The following ARHGEF10 variants were observed in gnomAD, a reference collection of about 807,000 sequenced individuals.
ARHGEF10 encodes Rho guanine nucleotide exchange factor 10, also known as Rho guanine nucleotide exchange factor (GEF) 10.
A neutral mutation model predicts 147.4 loss-of-function variants in ARHGEF10; 140 were observed. The observed-to-expected ratio is 0.95, with a 90% CI of 0.83 to 1.09. ARHGEF10 has a LOEUF of 1.09. Ranked by LOEUF, ARHGEF10 falls within the 50% of genes least tolerant of loss-of-function variation. ARHGEF10 has a pLI of 0.00. For synonymous variants in ARHGEF10, 902 were observed against 695.8 expected, an observed-to-expected ratio of 1.30 and a Z score of -4.67; for missense variants, 2,222 against 1,752.7, an observed-to-expected ratio of 1.27 and a Z score of -4.78.
chr8:1,830,613 C>G (rs117163246), intron 1 of ARHGEF10, among the ~76,000 whole-genome samples: 3,660 of 152,324 alleles, frequency 0.024, 59 homozygotes, highest in Middle Eastern at 0.037. Flanking sequence ...GTGCTAAGTA[C>G]TAAGTGCTCT....
chr8:1,925,514 G>C (rs988090382), intron 22 of ARHGEF10, 110 bp downstream of exon 22: 1 of 1,440,118 alleles, frequency 6.9e-7, no homozygotes, highest in South Asian at 1.2e-5. Flanking sequence ...GTCCTCCCAG[G>C]TTCACCACAG....
At chr8:1,890,442 G>A (rs1361223993) in intron 11 of ARHGEF10, among the ~76,000 whole-genome samples, 4 of 149,614 alleles carry the variant, frequency 2.7e-5, no homozygotes, top group African/African-American at 9.9e-5. Flanking sequence ...GAGGTTGTGA[G>A]GAGACAGTGA....
At chr8:1,862,225 TG>T (rs1806188128) in intron 4 of ARHGEF10, among the ~76,000 whole-genome samples, 1 of 152,208 alleles carries the variant, frequency 6.6e-6, no homozygotes, top group Non-Finnish European at 1.5e-5. Flanking sequence ...GGAGCCTCCC[TG>T]GGGCGGGGCG....
At chr8:1,873,824 C>G (rs532117774) in intron 7 of ARHGEF10, among the ~76,000 whole-genome samples, 1 of 152,034 alleles carries the variant, frequency 6.6e-6, no homozygotes, top group Admixed American at 6.6e-5. Flanking sequence ...GGGAGAATTC[C>G]TTACTAGATG....
At chr8:1,861,559 G>T (rs117336440) in intron 4 of ARHGEF10, among the ~76,000 whole-genome samples, 2 of 152,274 alleles carry the variant, frequency 1.3e-5, no homozygotes, top group South Asian at 4.1e-4. Flanking sequence ...CAGCCTCTAC[G>T]CCTGAGACAT....
At chr8:1,939,673 G>A (rs562405634) in intron 26 of ARHGEF10, among the ~76,000 whole-genome samples, 11 of 152,332 alleles carry the variant, frequency 7.2e-5, no homozygotes, top group African/African-American at 2.4e-4. Flanking sequence ...GAGAAAAACC[G>A]GGATGCCACC....
At chr8:1,944,981 G>A (rs1814448485) in intron 26 of ARHGEF10, among the ~76,000 whole-genome samples, 1 of 152,272 alleles carries the variant, frequency 6.6e-6, no homozygotes, top group African/African-American at 2.4e-5. Context: ...CTGCAGCTGA[G>A]CCTGGAAGCT....
intron 2 of ARHGEF10, among the ~76,000 whole-genome samples, chr8:1,844,350 TA>T (rs1288158714): frequency 9.2e-5 from 14 of 152,146 alleles, no homozygotes; most frequent in South Asian, 2.1e-4. Flanking sequence ...CGGGGCCTGG[TA>T]GATGACAAAG....
intron 26 of ARHGEF10, among the ~76,000 whole-genome samples, chr8:1,939,854 C>T (rs1813937274): frequency 6.6e-6 from 1 of 152,346 alleles, no homozygotes; most frequent in South Asian, 2.1e-4. Flanking sequence ...CCCCATGCCG[C>T]TGAAGGTAGC....
intron 1 of ARHGEF10, among the ~76,000 whole-genome samples, chr8:1,836,509 G>C (rs1448906846): frequency 6.6e-6 from 1 of 152,160 alleles, no homozygotes; most frequent in Non-Finnish European, 1.5e-5. Context: ...ACTGCACACA[G>C]AAGACAGGCT....
intron 16 of ARHGEF10, among the ~76,000 whole-genome samples, chr8:1,904,588 C>T (rs77467635): frequency 1.3e-5 from 2 of 152,280 alleles, no homozygotes; most frequent in East Asian, 3.9e-4. Flanking sequence ...CTCCCTGTGG[C>T]ACTTGAACCT....
intron 9 of ARHGEF10, among the ~76,000 whole-genome samples, chr8:1,880,851 C>G (rs1317211318): frequency 6.6e-6 from 1 of 152,202 alleles, no homozygotes; most frequent in Admixed American, 6.5e-5. Flanking sequence ...GATGTGCACT[C>G]CACACAGCTT....
chr8:1,843,829 G>A (rs1326283207), intron 2 of ARHGEF10, among the ~76,000 whole-genome samples: 2 of 152,182 alleles, frequency 1.3e-5, no homozygotes, highest in Non-Finnish European at 2.9e-5. Context: ...TGCTCGCCCA[G>A]TTTCCTTTTC....
intron 1 of ARHGEF10, 142 bp from the exon 2 acceptor site, chr8:1,843,211 A>G: frequency 1.5e-6 from 1 of 659,614 alleles, no homozygotes; most frequent in South Asian, 1.7e-5. Flanking sequence ...TTCATGACTA[A>G]TAGGTGGTGA....
chr8:1,904,189 C>CTG (rs1810708445), intron 16 of ARHGEF10: 1 of 152,184 alleles, frequency 6.6e-6, no homozygotes, highest in Non-Finnish European at 1.5e-5. Context: ...ACCCAGAAGG[C>CTG]GGCAGTTCAT....
intron 2 of ARHGEF10, among the ~76,000 whole-genome samples, chr8:1,855,005 G>A (rs909476981): frequency 6.6e-6 from 1 of 152,090 alleles, no homozygotes; most frequent in Non-Finnish European, 1.5e-5. Flanking sequence ...GGAGTGGAGG[G>A]GCCTCGGTGT....
chr8:1,873,400 C>G (rs67137760), intron 7 of ARHGEF10, among the ~76,000 whole-genome samples: 22,377 of 123,316 alleles, frequency 0.18, 2,524 homozygotes, highest in African/African-American at 0.35. Context: ...AGGAGAAAGT[C>G]ACAGTGTGCT....
chr8:1,874,694 G>A (rs1057477022), intron 7 of ARHGEF10, among the ~76,000 whole-genome samples: 2 of 151,742 alleles, frequency 1.3e-5, no homozygotes, highest in Admixed American at 1.3e-4. Flanking sequence ...AAGACAGTCT[G>A]GAGGGAGAGT....
At chr8:1,869,075 C>T in intron 6 of ARHGEF10, 119 bp from the exon 7 acceptor site, 2 of 923,580 alleles carry the variant, frequency 2.2e-6, no homozygotes, top group Non-Finnish European at 3.5e-6. Flanking sequence ...AAAAAACTAC[C>T]CTTATAAACC....
Sources: allele counts gnomAD v4.1 joint callset (sites outside exome capture counted in the v4.1 genomes callset), GRCh38; gene constraint gnomAD v4.1.1; transcripts MANE v1.5; gene names NCBI Gene and HGNC (gene_info 2026-07-23, HGNC 2026-07-21).